Variants in PTPRT observed in about 807,000 individuals in gnomAD.
PTPRT encodes protein tyrosine phosphatase receptor type T, also known as receptor-type tyrosine-protein phosphatase T.
PTPRT carries 56 observed loss-of-function variants against 176.8 expected under a neutral mutation model. The observed-to-expected ratio is 0.32, with a 90% CI of 0.26 to 0.40. PTPRT has a LOEUF of 0.40. PTPRT is among the 10% of genes least tolerant of loss of function. The pLI, the probability that PTPRT is intolerant of heterozygous loss-of-function variation, is 1.00. For missense variants in PTPRT, 1,540 were observed against 1,908.2 expected (o/e 0.81, Z 3.60); for synonymous variants, 783 against 739.0 (o/e 1.06, Z -0.96).
intron 2 of PTPRT, among the ~76,000 whole-genome samples, chr20:42,820,961 C>G (rs1288669523): frequency 6.6e-6 from 1 of 152,202 alleles, no homozygotes; most frequent in African/African-American, 2.4e-5. Context: ...TAGACAGATT[C>G]ACAGCTGAAC....
chr20:43,079,558 A>G (rs1357968192), intron 1 of PTPRT, among the ~76,000 whole-genome samples: 2 of 152,146 alleles, frequency 1.3e-5, no homozygotes. Flanking sequence ...GCCTTCTTTC[A>G]TACCCTTTAG....
At chr20:42,266,993 T>C (rs1486999219) in intron 13 of PTPRT, among the ~76,000 whole-genome samples, 1 of 152,220 alleles carries the variant, frequency 6.6e-6, no homozygotes, top group East Asian at 1.9e-4. Flanking sequence ...TCTGTTGTTT[T>C]CTTTAATTTT....
intron 7 of PTPRT, among the ~76,000 whole-genome samples, chr20:42,523,873 C>T (rs1434908146): frequency 6.6e-6 from 1 of 152,042 alleles, no homozygotes; most frequent in Non-Finnish European, 1.5e-5. Flanking sequence ...ACAGTTCTAG[C>T]TATTCAGGAG....
At chr20:42,206,571 C>T (rs1011195189) in intron 15 of PTPRT, among the ~76,000 whole-genome samples, 18 of 152,222 alleles carry the variant, frequency 1.2e-4, no homozygotes, top group African/African-American at 3.9e-4. Flanking sequence ...TGCGCATTTC[C>T]GACGGGCTTA....
At chr20:43,162,545 TG>T (rs1200646122) in intron 1 of PTPRT, among the ~76,000 whole-genome samples, 1 of 152,236 alleles carries the variant, frequency 6.6e-6, no homozygotes, top group African/African-American at 2.4e-5. Flanking sequence ...GGTCCCATCC[TG>T]GGCCACTAAA....
At chr20:42,591,600 T>A (rs1049872367) in intron 7 of PTPRT, among the ~76,000 whole-genome samples, 2 of 152,158 alleles carry the variant, frequency 1.3e-5, no homozygotes, top group African/African-American at 4.8e-5. Flanking sequence ...CCCTACCACC[T>A]CATTCCTGGA....
rs774983998 is a variant in PTPRT at position 42,282,489 on chromosome 20, C to G, written c.2176G>C (p.Gly726Arg). ...GACAGACAAGCAGATGCCAACATAC[C>G]TTTTGTAGCCAGACGAACACAGTTG... ...KINCVRLATK[G>R]ASTQNSNTVE... The change falls in exon 13 of 31, where the codon GGT becomes CGT. Residue 726 changes from glycine (G) to arginine (R), a missense_variant and splice_region_variant. Gly to Arg is a moderately radical substitution (Grantham distance 125). This residue lies in a region of PTPRT where 255 missense variants were observed against 250.1 expected (regional missense o/e 1.02). Coordinates refer to ENST00000373187, the MANE Select transcript of PTPRT (RefSeq NM_007050.6). 7 of 1,609,816 alleles carry G rather than the reference C, an allele frequency of 4.3e-6. No individual in the cohort carries two copies. The highest frequency in any genetic ancestry group is 5.1e-6 in the Non-Finnish European group (6 of 1,177,628).
At chr20:43,103,504 G>A (rs1429630583) in intron 1 of PTPRT, among the ~76,000 whole-genome samples, 1 of 152,112 alleles carries the variant, frequency 6.6e-6, no homozygotes, top group East Asian at 1.9e-4. Context: ...GCTAACTGCA[G>A]CCATGATAAG....
chr20:42,263,159 C>A (rs1436731341), intron 13 of PTPRT, among the ~76,000 whole-genome samples: 2 of 152,056 alleles, frequency 1.3e-5, no homozygotes, highest in African/African-American at 4.8e-5. Context: ...GCTAGTTATC[C>A]CAAAGCACAA....
Position 42,243,160 on chromosome 20 carries a change from G to A in PTPRT, c.2312+5527C>T, listed in dbSNP as rs555950219. ...GAGAATGTAGAGAATCCTGGGTGTT[G>A]GAATCCCATCTGTTTGTTGATGGGA... is the stretch of plus-strand genomic sequence containing the variant. On this transcript the variant is annotated intron_variant, in intron 14 of 30. Transcript: ENST00000373187. Among the ~76,000 whole-genome samples, 30 of 152,186 alleles carry A rather than the reference G, an allele frequency of 2.0e-4. No individual in the cohort carries two copies. The South Asian group carries it at 5.4e-3, about 27-fold the overall frequency.
At chr20:42,643,662 C>G (rs1392015076) in intron 7 of PTPRT, among the ~76,000 whole-genome samples, 1 of 152,024 alleles carries the variant, frequency 6.6e-6, no homozygotes, top group Non-Finnish European at 1.5e-5. Context: ...AATTTAAATA[C>G]CTTACCCAAG....
At chr20:42,169,793 A>ACACACACACACACACACAC (rs1568638865) in intron 16 of PTPRT, among the ~76,000 whole-genome samples, 21 of 67,132 alleles carry the variant, frequency 3.1e-4, no homozygotes, top group East Asian at 4.2e-4. Flanking sequence ...CACACACACA[A>ACACACACACACACACACAC]CAGTCAGTAT....
intron 12 of PTPRT, among the ~76,000 whole-genome samples, chr20:42,299,214 T>A (rs1320571262): frequency 6.6e-6 from 1 of 152,172 alleles, no homozygotes; most frequent in Non-Finnish European, 1.5e-5. Context: ...CACGTTATAA[T>A]GTTTTTAGAA....
intron 2 of PTPRT, among the ~76,000 whole-genome samples, chr20:42,809,362 C>G (rs145998912): frequency 6.6e-6 from 1 of 152,068 alleles, no homozygotes; most frequent in Non-Finnish European, 1.5e-5. Context: ...GTGTGGCTCC[C>G]GGATCAGGAT....
At chr20:42,807,396 G>A (rs1054368814) in intron 2 of PTPRT, among the ~76,000 whole-genome samples, 1 of 152,060 alleles carries the variant, frequency 6.6e-6, no homozygotes, top group Non-Finnish European at 1.5e-5. Context: ...AATTTTTAAG[G>A]GAAACTGCAA....
At chr20:42,900,772 T>TA (rs968104667) in intron 1 of PTPRT, among the ~76,000 whole-genome samples, 4 of 152,142 alleles carry the variant, frequency 2.6e-5, no homozygotes. Context: ...GTCCAGGGTC[T>TA]AAAACCCCTC....
chr20:42,546,453 A>C (rs1437551456), intron 7 of PTPRT, among the ~76,000 whole-genome samples: 2 of 150,908 alleles, frequency 1.3e-5, no homozygotes. Context: ...TAGGTTTTCA[A>C]TTCTAACAAA....
intron 1 of PTPRT, among the ~76,000 whole-genome samples, chr20:43,045,721 C>T (rs981996364): frequency 1.3e-5 from 2 of 151,854 alleles, no homozygotes; most frequent in South Asian, 2.1e-4. Flanking sequence ...CCTCAGCCCC[C>T]CAATGTGCCA....
intron 1 of PTPRT, among the ~76,000 whole-genome samples, chr20:43,029,842 A>G (rs1986067521): frequency 6.6e-6 from 1 of 152,126 alleles, no homozygotes; most frequent in Non-Finnish European, 1.5e-5. Flanking sequence ...CCAGTTTAAA[A>G]TCCAGCTCAT....
Sources: gnomAD v4.1 joint callset for allele counts (sites outside exome capture counted in the v4.1 genomes callset) on GRCh38, gnomAD v4.1.1 for gene constraint, gnomAD v4.1.1 regional missense constraint, MANE v1.5 for transcripts, NCBI Gene and HGNC (gene_info 2026-07-23, HGNC 2026-07-21) for gene names.